The following CNTN4 variants were observed in gnomAD, a reference collection of about 807,000 sequenced individuals.
CNTN4 encodes contactin 4, also known as contactin-4.
A neutral mutation model predicts 122.5 loss-of-function variants in CNTN4; 77 were observed. The ratio of observed to expected loss-of-function variants is 0.63; its 90% CI spans 0.52 to 0.76. The LOEUF (loss-of-function observed/expected upper bound fraction) is 0.76. Ranked by LOEUF, CNTN4 falls within the 30% of genes least tolerant of loss-of-function variation. The pLI, the probability that CNTN4 is intolerant of heterozygous loss-of-function variation, is 0.00. For synonymous variants in CNTN4, 512 were observed against 447.0 expected, an observed-to-expected ratio of 1.15 and a Z score of -1.83; for missense variants, 1,256 against 1,259.1, an observed-to-expected ratio of 1.00 and a Z score of 0.04.
intron 3 of CNTN4, among the ~76,000 whole-genome samples, chr3:2,565,631 C>T (rs1319080251): frequency 1.3e-5 from 2 of 152,126 alleles, no homozygotes; most frequent in Non-Finnish European, 1.5e-5. Flanking sequence ...TGACCCAAAA[C>T]TCTTCATATT....
In CNTN4 at chr3:2,582,559, G is replaced by T. The variant is rs539800003; in HGVS notation, c.55+11001G>T. On this transcript the variant is annotated intron_variant, in intron 4 of 24. Transcript: ENST00000418658. ...GTGCAACTTCTTTAATTAGAGAAAA[G>T]GAATAAAGCACAAACCTTCCTCAGA... Among the ~76,000 whole-genome samples the T allele has an allele frequency of 2.0e-5, 3 of 152,138 alleles. No individual in the cohort carries two copies. In the South Asian group the frequency reaches 6.2e-4, roughly 31 times the overall value.
At chr3:2,184,671 G>A (rs866844747) in intron 2 of CNTN4, among the ~76,000 whole-genome samples, 3 of 152,066 alleles carry the variant, frequency 2.0e-5, no homozygotes, top group Non-Finnish European at 2.9e-5. Flanking sequence ...TTGATGGGGC[G>A]AGTTACCCCT....
intron 3 of CNTN4, chr3:2,511,446 A>T (rs1348937893): frequency 6.6e-6 from 1 of 152,276 alleles, no homozygotes; most frequent in East Asian, 1.9e-4. Context: ...TGGGGAACAC[A>T]GCCAGGAAGC....
intron 3 of CNTN4, among the ~76,000 whole-genome samples, chr3:2,373,473 C>G (rs185386804): frequency 6.6e-6 from 1 of 152,212 alleles, no homozygotes; most frequent in Non-Finnish European, 1.5e-5. Flanking sequence ...GGATGTCACA[C>G]TTATTTTATA....
At chr3:2,151,090 A>G (rs895359284) in intron 2 of CNTN4, among the ~76,000 whole-genome samples, 1 of 152,024 alleles carries the variant, frequency 6.6e-6, no homozygotes, top group Non-Finnish European at 1.5e-5. Context: ...TTAGACAGCT[A>G]ATTTTTGTAT....
chr3:2,767,525 T>TTTTTTG (rs372280758), intron 6 of CNTN4, among the ~76,000 whole-genome samples: 12 of 152,248 alleles, frequency 7.9e-5, no homozygotes, highest in East Asian at 7.7e-4. Context: ...GTGAGTGGGC[T>TTTTTTG]TTTTTGTTTT....
intron 3 of CNTN4, among the ~76,000 whole-genome samples, chr3:2,483,366 C>T (rs142527671): frequency 6.6e-6 from 1 of 152,160 alleles, no homozygotes; most frequent in Non-Finnish European, 1.5e-5. Flanking sequence ...TTCGATTTTA[C>T]CACCTCATAG....
chr3:2,435,221 C>T (rs2616572), intron 3 of CNTN4, among the ~76,000 whole-genome samples: 138,563 of 152,200 alleles, frequency 0.91, 63,068 homozygotes, highest in East Asian at 0.96. Context: ...AGTCATCCCT[C>T]AGTGTCTGCG....
At chr3:3,033,167 G>A (rs1213449923) in intron 16 of CNTN4, among the ~76,000 whole-genome samples, 2 of 152,122 alleles carry the variant, frequency 1.3e-5, no homozygotes, top group East Asian at 1.9e-4. Context: ...GGAATGCTAG[G>A]ATGAGAAAAC....
chr3:2,660,347 T>A (rs951821248), intron 4 of CNTN4, among the ~76,000 whole-genome samples: 1 of 152,240 alleles, frequency 6.6e-6, no homozygotes, highest in African/African-American at 2.4e-5. Context: ...GGCACTGTTA[T>A]ATCAACCAAG....
chr3:2,244,097 A>G (rs1266253705), intron 2 of CNTN4, among the ~76,000 whole-genome samples: 2 of 152,074 alleles, frequency 1.3e-5, no homozygotes, highest in African/African-American at 4.8e-5. Context: ...ACCCTTATAT[A>G]TACTATGTTT....
At chr3:2,502,080 A>T (rs1314953573) in intron 3 of CNTN4, among the ~76,000 whole-genome samples, 1 of 152,184 alleles carries the variant, frequency 6.6e-6, no homozygotes, top group Non-Finnish European at 1.5e-5. Context: ...AAATATTCCA[A>T]AATCCAAAAA....
chr3:2,120,392 T>TATAAATATATAA (rs1166770515), intron 2 of CNTN4, among the ~76,000 whole-genome samples: 2 of 29,884 alleles, frequency 6.7e-5, no homozygotes, highest in Admixed American at 5.7e-4. Context: ...TATATATATA[T>TATAAATATATAA]ATATATATAT....
chr3:2,190,435 T>G (rs1173990753), intron 2 of CNTN4, among the ~76,000 whole-genome samples: 1 of 151,856 alleles, frequency 6.6e-6, no homozygotes, highest in African/African-American at 2.4e-5. Flanking sequence ...ATAGATAAAA[T>G]GCTTCACAAA....
intron 9 of CNTN4, among the ~76,000 whole-genome samples, chr3:2,883,633 T>C (rs2093937596): frequency 6.6e-6 from 1 of 152,154 alleles, no homozygotes; most frequent in Admixed American, 6.5e-5. Context: ...TTGGCCCCAG[T>C]TTATAGAGGA....
intron 13 of CNTN4, among the ~76,000 whole-genome samples, chr3:2,932,103 C>T (rs771316400): frequency 6.6e-5 from 10 of 152,100 alleles, no homozygotes; most frequent in Admixed American, 1.3e-4. Context: ...TTAGGCCGGG[C>T]GCAGTGGCTC....
chr3:2,120,678 C>T (rs1198757687), intron 2 of CNTN4, among the ~76,000 whole-genome samples: 1 of 151,846 alleles, frequency 6.6e-6, no homozygotes, highest in African/African-American at 2.4e-5. Flanking sequence ...GCTGGGATTA[C>T]AGGCATGAGC....
intron 3 of CNTN4, among the ~76,000 whole-genome samples, chr3:2,568,741 T>G (rs1210315414): frequency 2.0e-5 from 3 of 152,212 alleles, no homozygotes; most frequent in African/African-American, 7.2e-5. Context: ...TATTTCTGAT[T>G]AGCAAAGGTG....
At chr3:2,277,874 T>G (rs2041575632) in intron 2 of CNTN4, among the ~76,000 whole-genome samples, 1 of 152,188 alleles carries the variant, frequency 6.6e-6, no homozygotes, top group Non-Finnish European at 1.5e-5. Context: ...TCTTCTTCCT[T>G]GCATGGCTGA....
Sources: allele counts gnomAD v4.1 joint callset (sites outside exome capture counted in the v4.1 genomes callset), GRCh38; gene constraint gnomAD v4.1.1; transcripts MANE v1.5; gene names NCBI Gene and HGNC (gene_info 2026-07-23, HGNC 2026-07-21).